Variants in SEMA3A observed in about 807,000 individuals in gnomAD.
SEMA3A encodes the protein semaphorin-3A.
In SEMA3A, 29 loss-of-function variants were observed where a neutral mutation model predicts 97.9. That is an observed-to-expected ratio of 0.30 (90% CI 0.22 to 0.40). The LOEUF (loss-of-function observed/expected upper bound fraction) is 0.40, where lower values mean the gene tolerates loss of function less well. Among genes scored for constraint, SEMA3A ranks in the 10% least tolerant of loss-of-function variants. SEMA3A has a pLI of 1.00. For missense variants in SEMA3A, 763 were observed against 951.3 expected (o/e 0.80, Z 2.60); for synonymous variants, 321 against 323.7 (o/e 0.99, Z 0.09).
chr7:84,282,642 A>G (rs1265551763), intron 3 of SEMA3A, among the ~76,000 whole-genome samples: 1 of 152,098 alleles, frequency 6.6e-6, no homozygotes, highest in Non-Finnish European at 1.5e-5. Flanking sequence ...TCTGTATAGT[A>G]TCTATTAATA....
chr7:84,393,739 G>A (rs1279982912), intron 1 of SEMA3A, among the ~76,000 whole-genome samples: 2 of 152,104 alleles, frequency 1.3e-5, no homozygotes, highest in African/African-American at 4.8e-5. Context: ...TGCCATATTT[G>A]ATAAACAGAT....
At position 84,085,918 on chromosome 7, in the gene SEMA3A, T is replaced by C. The variant is rs1196737673; in HGVS notation, c.453+24552A>G. On this transcript the variant is annotated intron_variant, in intron 4 of 16. Coordinates refer to ENST00000265362, the MANE Select transcript of SEMA3A (RefSeq NM_006080.3). ...GATGTACAACTGAACCTTAAATATATTGTCAACCCAGACTGTTTGGCTCCC... is the reference window on the plus strand; with the variant it reads ...GATGTACAACTGAACCTTAAATATACTGTCAACCCAGACTGTTTGGCTCCC... 2.6e-5 allele frequency among the ~76,000 whole-genome samples: 4 copies of C among 152,150 alleles called. No individual in the cohort carries two copies. In the South Asian group the frequency reaches 6.2e-4, roughly 24 times the overall value.
intron 3 of SEMA3A, among the ~76,000 whole-genome samples, chr7:84,203,057 A>T (rs1798393862): frequency 6.6e-6 from 1 of 152,144 alleles, no homozygotes; most frequent in African/African-American, 2.4e-5. Context: ...ACTCATGATT[A>T]AGGGCTATTG....
At chr7:84,005,022 C>G (rs536034527) in intron 11 of SEMA3A, among the ~76,000 whole-genome samples, 1 of 152,254 alleles carries the variant, frequency 6.6e-6, no homozygotes, top group South Asian at 2.1e-4. Context: ...ACTTAATGAA[C>G]ATTAAATATA....
intron 2 of SEMA3A, among the ~76,000 whole-genome samples, chr7:84,313,712 C>T (rs1801423736): frequency 6.6e-6 from 1 of 151,530 alleles, no homozygotes; most frequent in Non-Finnish European, 1.5e-5. Flanking sequence ...CGACAGAATC[C>T]AATTTTGAAA....
intron 1 of SEMA3A, among the ~76,000 whole-genome samples, chr7:84,475,837 G>T (rs952408935): frequency 6.6e-6 from 1 of 152,112 alleles, no homozygotes; most frequent in Non-Finnish European, 1.5e-5. Flanking sequence ...AACCTTTGCA[G>T]TTCTCCCTAA....
chr7:84,374,113 A>G (rs1452559631), intron 1 of SEMA3A, among the ~76,000 whole-genome samples: 1 of 152,192 alleles, frequency 6.6e-6, no homozygotes, highest in Non-Finnish European at 1.5e-5. Flanking sequence ...GGAGAAAACA[A>G]TGTAAATAGA....
intron 1 of SEMA3A, among the ~76,000 whole-genome samples, chr7:84,433,211 T>C (rs1343638805): frequency 6.6e-6 from 1 of 151,956 alleles, no homozygotes; most frequent in Non-Finnish European, 1.5e-5. Flanking sequence ...TTCCACCTAA[T>C]GCTATCCCTC....
At chr7:84,260,739 A>C (rs879929002) in intron 3 of SEMA3A, among the ~76,000 whole-genome samples, 1 of 152,144 alleles carries the variant, frequency 6.6e-6, no homozygotes, top group Admixed American at 6.5e-5. Context: ...GGGGGGACTG[A>C]GGGAGGATTG....
At chr7:84,385,520 C>G (rs995301044) in intron 1 of SEMA3A, among the ~76,000 whole-genome samples, 5 of 152,142 alleles carry the variant, frequency 3.3e-5, no homozygotes, top group African/African-American at 1.2e-4. Context: ...ACTCAGTAAG[C>G]TTTAATTTAA....
chr7:84,143,799 CA>C (rs71522691), intron 1 of SEMA3A, among the ~76,000 whole-genome samples: 111,181 of 145,560 alleles, frequency 0.76, 42,143 homozygotes, highest in Middle Eastern at 0.84. Context: ...GAGACCCTGT[CA>C]AAAAAAAAAA....
chr7:84,384,402 A>T (rs925860576), intron 1 of SEMA3A, among the ~76,000 whole-genome samples: 15 of 152,192 alleles, frequency 9.9e-5, no homozygotes, highest in Non-Finnish European at 1.9e-4. Flanking sequence ...ATATTAGTCA[A>T]ACAAATTTTT....
chr7:84,017,144 A>C (rs1486492742), intron 6 of SEMA3A, among the ~76,000 whole-genome samples: 2 of 152,214 alleles, frequency 1.3e-5, no homozygotes, highest in East Asian at 1.9e-4. Flanking sequence ...GAAAATGACA[A>C]CAAAGAAAAC....
At chr7:83,990,666 C>T (rs1006580897) in intron 12 of SEMA3A, among the ~76,000 whole-genome samples, 4 of 141,386 alleles carry the variant, frequency 2.8e-5, no homozygotes, top group African/African-American at 1.1e-4. Context: ...CTGTTCTGTT[C>T]CATTGATCTA....
In SEMA3A at chr7:84,392,184, G is replaced by A. The variant is rs372079969; in HGVS notation, c.-245-20284C>T. On this transcript the variant is annotated intron_variant, in intron 1 of 3. Transcript: ENST00000424555. ...GAGGTATTCGTCATGCTGTGTAATA[G>A]ACCTAAAACAAACAAATTTATTCTA... Among the ~76,000 whole-genome samples, 108 of 152,046 alleles carry A rather than the reference G, an allele frequency of 7.1e-4. 1 individual carries two copies. The highest frequency in any genetic ancestry group is 2.4e-3 in the African/African-American group (100 of 41,466).
At chr7:84,486,760 C>A (rs1467845897) in intron 1 of SEMA3A, among the ~76,000 whole-genome samples, 1 of 152,074 alleles carries the variant, frequency 6.6e-6, no homozygotes, top group Admixed American at 6.6e-5. Context: ...TAATTATAAA[C>A]ACAGAAATGC....
intron 15 of SEMA3A, among the ~76,000 whole-genome samples, chr7:83,974,155 A>C (rs959440868): frequency 9.9e-5 from 15 of 152,096 alleles, no homozygotes; most frequent in African/African-American, 3.6e-4. Context: ...GCACACATAT[A>C]TTAAGATTTG....
chr7:84,458,084 G>A (rs1201287137), intron 1 of SEMA3A, among the ~76,000 whole-genome samples: 1 of 151,952 alleles, frequency 6.6e-6, no homozygotes, highest in East Asian at 1.9e-4. Flanking sequence ...TTGAGTTGAT[G>A]TTACATTAAG....
chr7:84,438,757 A>G (rs770901474), intron 1 of SEMA3A, among the ~76,000 whole-genome samples: 19 of 152,242 alleles, frequency 1.2e-4, no homozygotes, highest in Non-Finnish European at 1.5e-4. Flanking sequence ...TGAGAGATCA[A>G]ATAATATCAT....
Sources: allele counts gnomAD v4.1 joint callset (sites outside exome capture counted in the v4.1 genomes callset), GRCh38; gene constraint gnomAD v4.1.1; transcripts MANE v1.5; gene names NCBI Gene and HGNC (gene_info 2026-07-23, HGNC 2026-07-21).